Variants in DCAF6 observed in about 807,000 individuals in gnomAD.
The protein encoded by DCAF6 is DDB1- and CUL4-associated factor 6.
A neutral mutation model predicts 125.1 loss-of-function variants in DCAF6; 54 were observed. The observed-to-expected ratio is 0.43, with a 90% CI of 0.35 to 0.54. DCAF6 has a LOEUF of 0.54. Ranked by LOEUF, DCAF6 falls within the 20% of genes least tolerant of loss-of-function variation. The probability of loss-of-function intolerance (pLI) is 0.01; values close to 1 mark genes in which losing one functional copy is unlikely to be tolerated. For missense variants in DCAF6, 934 were observed against 1,161.7 expected (o/e 0.80, Z 2.85); for synonymous variants, 371 against 390.4 (o/e 0.95, Z 0.58).
the DCAF6 span, among the ~76,000 whole-genome samples, chr1:167,885,566 T>C: frequency 6.6e-6 from 1 of 152,360 alleles, no homozygotes; most frequent in Non-Finnish European, 1.5e-5. Context: ...TTTTCACATA[T>C]TTTTCACATA....
the DCAF6 span, chr1:167,896,579 C>T: frequency 1.9e-6 from 3 of 1,592,044 alleles, no homozygotes; most frequent in Non-Finnish European, 2.6e-6. Context: ...GGCATTTTTC[C>T]ATGGTGGGTA....
intron 17 of DCAF6, among the ~76,000 whole-genome samples, chr1:168,053,503 A>G (rs1436970030): frequency 6.6e-6 from 1 of 152,226 alleles, no homozygotes; most frequent in African/African-American, 2.4e-5. Context: ...CAAAAGAATC[A>G]AAGGCACTTC....
At chr1:167,970,413 G>A (rs1235658764) in intron 3 of DCAF6, among the ~76,000 whole-genome samples, 1 of 152,196 alleles carries the variant, frequency 6.6e-6, no homozygotes, top group Non-Finnish European at 1.5e-5. Flanking sequence ...CACTTTGGGA[G>A]GCCCGAGGTG....
chr1:167,935,451 A>C (rs1270794620), upstream of DCAF6, among the ~76,000 whole-genome samples: 1 of 152,236 alleles, frequency 6.6e-6, no homozygotes, highest in Non-Finnish European at 1.5e-5. Context: ...GAAGTTGAGA[A>C]GGCTCAAATC....
At chr1:167,942,653 A>ATT (rs1197655579) in intron 1 of DCAF6, among the ~76,000 whole-genome samples, 1 of 150,214 alleles carries the variant, frequency 6.7e-6, no homozygotes, top group East Asian at 1.9e-4. Flanking sequence ...TTTCCTGGAG[A>ATT]TTTTATCTTT....
chr1:167,925,474 T>C, the DCAF6 span, among the ~76,000 whole-genome samples: 64 of 96,814 alleles, frequency 6.6e-4, no homozygotes, highest in South Asian at 3.4e-3. Context: ...TATATATATA[T>C]ACATATACAT....
the DCAF6 span, among the ~76,000 whole-genome samples, chr1:167,874,272 A>G: frequency 6.6e-6 from 1 of 152,200 alleles, no homozygotes; most frequent in Non-Finnish European, 1.5e-5. Context: ...TAGAGGTTGT[A>G]GTGAGCCAAG....
At chr1:167,899,326 G>A in the DCAF6 span, 1 of 1,236,428 alleles carries the variant, frequency 8.1e-7, no homozygotes. Flanking sequence ...CTCCAGCCCA[G>A]GAGCTTTATG....
chr1:167,992,489 G>A lies in DCAF6; in HGVS notation c.689-737G>A, dbSNP rs1053299630. Reference sequence around the variant, plus strand: ...TATCTAATAATAATTGAGGAGTCCAGTCTATTTGGATATGTACATTTAGGG... The same window carrying A: ...TATCTAATAATAATTGAGGAGTCCAATCTATTTGGATATGTACATTTAGGG... On this transcript the variant is annotated intron_variant, in intron 6 of 21. Coordinates refer to ENST00000367840, the MANE Select transcript of DCAF6 (RefSeq NM_001198956.2). Among the ~76,000 whole-genome samples, 21 of 152,242 alleles carry A rather than the reference G, an allele frequency of 1.4e-4. No individual in the cohort carries two copies. In the East Asian group the frequency reaches 3.7e-3, roughly 27 times the overall value.
the DCAF6 span, among the ~76,000 whole-genome samples, chr1:167,920,249 A>G: frequency 6.6e-6 from 1 of 152,260 alleles, no homozygotes; most frequent in Non-Finnish European, 1.5e-5. Context: ...TTAGTGTCAC[A>G]GAAAATACTC....
At chr1:167,888,875 C>CAAAAAAAA in the DCAF6 span, among the ~76,000 whole-genome samples, 1 of 94,150 alleles carries the variant, frequency 1.1e-5, no homozygotes. Context: ...GACTCCGTCT[C>CAAAAAAAA]AAAAAAAAAA....
At chr1:168,013,653 G>C (rs1211083578) in intron 10 of DCAF6, among the ~76,000 whole-genome samples, 1 of 151,744 alleles carries the variant, frequency 6.6e-6, no homozygotes, top group Non-Finnish European at 1.5e-5. Flanking sequence ...TTTTTTTTAA[G>C]CATCATCTTT....
In DCAF6 at chr1:168,055,338, T is replaced by TG. The variant is rs1398794887; in HGVS notation, c.2300+4405_2300+4406insG. On this transcript the variant is annotated intron_variant, in intron 17 of 21. Transcript: ENST00000367840. ...GAAAAAAATCAGGCTTAAGTTTTTT[T>TG]TTTTTTTTTTTTTTTTTTTTTTAAC... Among the ~76,000 whole-genome samples the TG allele has an allele frequency of 4.9e-4, 3 of 6,130 alleles. 1 individual carries two copies. Among genetic ancestry groups the TG allele is most frequent in the Non-Finnish European group, 8.0e-4 (3 of 3,740 alleles). 4.0% of individuals were successfully genotyped at this position (6,130 alleles called of 152,430 possible).
At chr1:168,051,158 T>C (rs531801226) in intron 17 of DCAF6, among the ~76,000 whole-genome samples, 4 of 152,338 alleles carry the variant, frequency 2.6e-5, no homozygotes, top group Admixed American at 2.0e-4. Flanking sequence ...CAGACTGATG[T>C]TCACTTCAAA....
chr1:168,051,274 G>A (rs1375540860), intron 17 of DCAF6, among the ~76,000 whole-genome samples: 1 of 152,122 alleles, frequency 6.6e-6, no homozygotes, highest in Non-Finnish European at 1.5e-5. Context: ...TTTTAAATTT[G>A]ATTGGGATAA....
At chr1:167,891,283 C>T in the DCAF6 span, among the ~76,000 whole-genome samples, 4 of 151,994 alleles carry the variant, frequency 2.6e-5, no homozygotes, top group Non-Finnish European at 5.9e-5. Context: ...ATCTGCCACA[C>T]TCTCCTGCCT....
At chr1:167,978,507 A>G (rs1049452739) in intron 4 of DCAF6, among the ~76,000 whole-genome samples, 6 of 152,138 alleles carry the variant, frequency 3.9e-5, no homozygotes, top group African/African-American at 1.4e-4. Flanking sequence ...ATGTATTCTT[A>G]ATGAAATGTG....
the DCAF6 span, among the ~76,000 whole-genome samples, chr1:167,889,610 C>G: frequency 1.3e-5 from 2 of 151,934 alleles, no homozygotes; most frequent in Non-Finnish European, 2.9e-5. Context: ...GGAAGTATTC[C>G]CTCCTCTTCT....
At chr1:167,980,731 A>G (rs1237884280) in intron 4 of DCAF6, among the ~76,000 whole-genome samples, 1 of 151,972 alleles carries the variant, frequency 6.6e-6, no homozygotes, top group East Asian at 1.9e-4. Context: ...ATATATTCCA[A>G]ATATTAACCC....
Sources: gnomAD v4.1 joint callset for allele counts (sites outside exome capture counted in the v4.1 genomes callset) on GRCh38, gnomAD v4.1.1 for gene constraint, MANE v1.5 for transcripts, NCBI Gene and HGNC (gene_info 2026-07-23, HGNC 2026-07-21) for gene names.